RASGRP1: variants seen among roughly 807,000 people sequenced by gnomAD.
RASGRP1 encodes RAS guanyl-releasing protein 1.
A neutral mutation model predicts 95.1 loss-of-function variants in RASGRP1; 37 were observed. That is an observed-to-expected ratio of 0.39 (90% CI 0.30 to 0.51). The LOEUF (loss-of-function observed/expected upper bound fraction) is 0.51. Ranked by LOEUF, RASGRP1 falls within the 20% of genes least tolerant of loss-of-function variation. RASGRP1 has a pLI of 0.80. For synonymous variants in RASGRP1, 325 were observed against 353.4 expected, an observed-to-expected ratio of 0.92 and a Z score of 0.90; for missense variants, 711 against 965.4, an observed-to-expected ratio of 0.74 and a Z score of 3.49.
At chr15:38,538,445 T>C (rs1376731494) in intron 2 of RASGRP1, among the ~76,000 whole-genome samples, 6 of 152,198 alleles carry the variant, frequency 3.9e-5, no homozygotes, top group Admixed American at 3.9e-4. Context: ...AAATGCAGCA[T>C]CTAACCAGAA....
rs1222102831 is a variant in RASGRP1, at chr15:38,564,714, G to T, written c.-86C>A. 15 of 1,121,416 alleles carry T rather than the reference G, an allele frequency of 1.3e-5. No homozygotes were observed. The South Asian group carries it at 6.1e-4, about 46-fold the overall frequency. The allele number at this position is 1,121,416 out of a possible 1,614,324, so 69.5% of individuals were successfully genotyped here. On this transcript the variant is annotated 5_prime_UTR_variant, in exon 1 of 17. Coordinates refer to ENST00000310803, the MANE Select transcript of RASGRP1 (RefSeq NM_005739.4). ...CCCGCCACCACCGCCGCCGCCTGCCGGCTCTCTCCCCCCCGGGCCTCGTAG... is the reference window on the plus strand; with the variant it reads ...CCCGCCACCACCGCCGCCGCCTGCCTGCTCTCTCCCCCCCGGGCCTCGTAG...
At chr15:38,529,750 G>A (rs974247230) in intron 2 of RASGRP1, among the ~76,000 whole-genome samples, 5 of 152,146 alleles carry the variant, frequency 3.3e-5, no homozygotes, top group African/African-American at 7.2e-5. Flanking sequence ...GTAAATGAGT[G>A]AACTATATCG....
rs969805701 is a variant in RASGRP1, at chr15:38,500,271, T to C, written c.1684-132A>G. ...GGAAGGAAACCTCATTTATCTCTCA[T>C]GTCTTGTCCCTTCTGACCTTAAATC... On this transcript the variant is annotated intron_variant, in intron 13 of 16. Transcript: ENST00000310803. 3.6e-6 allele frequency: 3 copies of C among 839,634 alleles called. No homozygotes were observed. The African/African-American group carries it at 5.0e-5, about 14-fold the overall frequency. The allele number at this position is 839,634 out of a possible 1,614,324, so 52.0% of individuals were successfully genotyped here.
intron 2 of RASGRP1, among the ~76,000 whole-genome samples, chr15:38,545,480 C>G (rs919498988): frequency 2.0e-5 from 3 of 151,040 alleles, no homozygotes; most frequent in African/African-American, 7.3e-5. Context: ...TGGCCACAGT[C>G]AATTCATTCA....
At chr15:38,502,182 T>A (rs1171922517) in intron 12 of RASGRP1, 130 bp downstream of exon 12, 1 of 653,002 alleles carries the variant, frequency 1.5e-6, no homozygotes, top group Admixed American at 3.0e-5. Flanking sequence ...GAATGCATAT[T>A]TCATGGTCTG....
intron 2 of RASGRP1, among the ~76,000 whole-genome samples, chr15:38,541,565 C>T (rs781597705): frequency 7.2e-5 from 11 of 152,200 alleles, no homozygotes; most frequent in Non-Finnish European, 1.0e-4. Context: ...GCACTCCAGA[C>T]TGGGTGATAG....
intron 2 of RASGRP1, among the ~76,000 whole-genome samples, chr15:38,540,004 C>A (rs1892803904): frequency 6.6e-6 from 1 of 152,156 alleles, no homozygotes. Context: ...GCACACTTGA[C>A]TTCCTGGGCT....
At chr15:38,502,291 T>A (rs769645651) in intron 12 of RASGRP1, 21 bp downstream of exon 12, 1 of 1,516,696 alleles carries the variant, frequency 6.6e-7, no homozygotes, top group Non-Finnish European at 9.1e-7. Context: ...TAACCACATA[T>A]TCCTAAGTAC....
At chr15:38,496,726 TTAGA>T (rs1890805171) in intron 15 of RASGRP1, among the ~76,000 whole-genome samples, 1 of 152,140 alleles carries the variant, frequency 6.6e-6, no homozygotes, top group Admixed American at 6.5e-5. Flanking sequence ...CAGCCTGTGT[TTAGA>T]TAGATAGTAA....
At chr15:38,521,816 T>A (rs62008294) in intron 3 of RASGRP1, among the ~76,000 whole-genome samples, 1,706 of 152,312 alleles carry the variant, frequency 0.011, 20 homozygotes, top group Non-Finnish European at 0.019. Context: ...TTCACAATGG[T>A]AATCAGGAGA....
chr15:38,552,001 A>G (rs1893359061), intron 2 of RASGRP1, among the ~76,000 whole-genome samples: 1 of 152,256 alleles, frequency 6.6e-6, no homozygotes, highest in Non-Finnish European at 1.5e-5. Flanking sequence ...GATAGCATAT[A>G]ATACATGAAG....
chr15:38,518,315 G>T lies in RASGRP1; in HGVS notation c.498C>A (p.Cys166Ter). The change falls in exon 5 of 17, where the codon TGC becomes TGA. Residue 166 changes from cysteine to a stop codon, truncating the protein, a stop_gained. Transcript: ENST00000310803. LOFTEE classifies it high-confidence loss of function. ...LVKAKGEELH[C>*]RLIDTTQINA... is the part of the protein sequence containing the mutation. ...ACATTTGAGTTGTGTCAATCAGGCG[G>T]CAATGTAACTCCTCACCCTTAGCTT... 1 of 1,610,242 alleles carries T rather than the reference G, an allele frequency of 6.2e-7. No individual in the cohort carries two copies. Among genetic ancestry groups the T allele is most frequent in the Non-Finnish European group, 8.5e-7 (1 of 1,178,282 alleles).
chr15:38,501,468 G>GT (rs745834354), intron 12 of RASGRP1, 181 bp from the exon 13 acceptor site: 9 of 778,970 alleles, frequency 1.2e-5, no homozygotes, highest in Admixed American at 4.0e-5. Context: ...ATGACATGTG[G>GT]TAAGTAGGTA....
chr15:38,502,237 C>A, intron 12 of RASGRP1, 75 bp downstream of exon 12: 3 of 1,043,290 alleles, frequency 2.9e-6, no homozygotes, highest in Non-Finnish European at 4.3e-6. Context: ...TTTTCAAATT[C>A]TTCTAGTGAC....
At chr15:38,525,237 G>T (rs1242515532) in intron 3 of RASGRP1, among the ~76,000 whole-genome samples, 4 of 152,052 alleles carry the variant, frequency 2.6e-5, no homozygotes, top group Non-Finnish European at 5.9e-5. Flanking sequence ...CAAAGTGCTG[G>T]GATTACAGAT....
intron 2 of RASGRP1, among the ~76,000 whole-genome samples, chr15:38,550,256 A>AG (rs1566936665): frequency 6.7e-6 from 1 of 149,624 alleles, no homozygotes; most frequent in East Asian, 1.9e-4. Flanking sequence ...AAAAAAAAAA[A>AG]AAAGAAAAGA....
chr15:38,547,865 G>A lies in RASGRP1; in HGVS notation c.220+11956C>T, dbSNP rs959097134. Among the ~76,000 whole-genome samples, 6 of 152,122 alleles carry A rather than the reference G, an allele frequency of 3.9e-5. No individual in the cohort carries two copies. In the East Asian group the frequency reaches 5.8e-4, roughly 15 times the overall value. On this transcript the variant is annotated intron_variant, in intron 2 of 16. Coordinates refer to ENST00000310803, the MANE Select transcript of RASGRP1 (RefSeq NM_005739.4). ...CAAAACTGTGTGTGTGTGCGCGCGC[G>A]CGTGTGTGTGTGTGTGAGATGGGGT...
chr15:38,548,964 C>A (rs1315535362), intron 2 of RASGRP1, among the ~76,000 whole-genome samples: 1 of 152,170 alleles, frequency 6.6e-6, no homozygotes, highest in Non-Finnish European at 1.5e-5. Context: ...ATGTAGGGAG[C>A]TTTTCCTTTA....
chr15:38,544,555 GC>G (rs1893033593), intron 2 of RASGRP1, among the ~76,000 whole-genome samples: 1 of 152,166 alleles, frequency 6.6e-6, no homozygotes, highest in African/African-American at 2.4e-5. Context: ...TGGGAGTTTG[GC>G]CCCCTTCTTC....
Sources: allele counts gnomAD v4.1 joint callset (sites outside exome capture counted in the v4.1 genomes callset), GRCh38; gene constraint gnomAD v4.1.1; transcripts MANE v1.5; gene names NCBI Gene and HGNC (gene_info 2026-07-23, HGNC 2026-07-21).